GPT2: variants seen among roughly 807,000 people sequenced by gnomAD.
GPT2 encodes glutamic--pyruvic transaminase 2, also known as alanine aminotransferase 2.
In GPT2, 30 loss-of-function variants were observed where a neutral mutation model predicts 56.9. That is an observed-to-expected ratio of 0.53 (90% CI 0.39 to 0.72). GPT2 has a LOEUF of 0.72. GPT2 is among the 30% of genes least tolerant of loss of function. GPT2 has a pLI of 0.00. For synonymous variants in GPT2, 271 were observed against 283.1 expected (o/e 0.96, Z 0.43); for missense variants, 542 against 703.4 (o/e 0.77, Z 2.60).
At chr16:46,894,014 G>C (rs986773180) in intron 2 of GPT2, among the ~76,000 whole-genome samples, 2 of 152,190 alleles carry the variant, frequency 1.3e-5, no homozygotes, top group African/African-American at 4.8e-5. Context: ...AGTGTGCTCA[G>C]AACAGTTTCT....
intron 3 of GPT2, among the ~76,000 whole-genome samples, chr16:46,898,459 C>T (rs923029663): frequency 1.3e-5 from 2 of 152,162 alleles, no homozygotes; most frequent in Non-Finnish European, 2.9e-5. Flanking sequence ...GTGGGAGATG[C>T]CCCAGGGCAG....
chr16:46,918,972 C>T (rs1008326796), intron 8 of GPT2, among the ~76,000 whole-genome samples: 1 of 152,226 alleles, frequency 6.6e-6, no homozygotes, highest in Non-Finnish European at 1.5e-5. Flanking sequence ...AGCCTGACAA[C>T]GGACAAATGG....
chr16:46,923,626 C>T (rs1461148363), intron 9 of GPT2, among the ~76,000 whole-genome samples: 1 of 152,236 alleles, frequency 6.6e-6, no homozygotes, highest in African/African-American at 2.4e-5. Flanking sequence ...CCATCTGCAG[C>T]CCACACCTTC....
At chr16:46,912,879 A>T (rs892087300) in intron 6 of GPT2, among the ~76,000 whole-genome samples, 3 of 152,234 alleles carry the variant, frequency 2.0e-5, no homozygotes, top group African/African-American at 7.2e-5. Flanking sequence ...CATCCAAACT[A>T]CGTGAACAGT....
At chr16:46,916,420 T>G in intron 6 of GPT2, 1 of 544,452 alleles carries the variant, frequency 1.8e-6, no homozygotes, top group Non-Finnish European at 3.4e-6. Context: ...CTGAGGAGAG[T>G]CAGACACACA....
At chr16:46,922,534 C>A in intron 9 of GPT2, 118 bp downstream of exon 9, 1 of 916,396 alleles carries the variant, frequency 1.1e-6, no homozygotes, top group Non-Finnish European at 1.6e-6. Flanking sequence ...GTGTGGCCTG[C>A]AGGTGCACTC....
intron 2 of GPT2, 75 bp downstream of exon 2, chr16:46,885,033 C>A: frequency 7.2e-7 from 1 of 1,386,920 alleles, no homozygotes. Flanking sequence ...CAGCTGGGGT[C>A]CTTCCCACGA....
At chr16:46,916,970 C>A (rs1961180937) in intron 7 of GPT2, among the ~76,000 whole-genome samples, 1 of 152,172 alleles carries the variant, frequency 6.6e-6, no homozygotes, top group African/African-American at 2.4e-5. Context: ...AGAAAAAATG[C>A]CAGTGGGGTC....
chr16:46,925,687 G>A (rs1254871172), intron 10 of GPT2, among the ~76,000 whole-genome samples: 1 of 151,994 alleles, frequency 6.6e-6, no homozygotes, highest in East Asian at 1.9e-4. Flanking sequence ...AACTTAGCTG[G>A]GTGGTGCATG....
chr16:46,908,548 T>G lies in GPT2; in HGVS notation c.577-1136T>G, dbSNP rs965716832. Reference sequence around the variant, plus strand: ...CCTGACCTGTAAGGCTCTTGTTTGTTGAGTGCTTTTTTCCTTTCCCAAAGC... The same window carrying G: ...CCTGACCTGTAAGGCTCTTGTTTGTGGAGTGCTTTTTTCCTTTCCCAAAGC... On this transcript the variant is annotated intron_variant, in intron 5 of 11. Coordinates refer to ENST00000340124, the MANE Select transcript of GPT2 (RefSeq NM_133443.4). Among the ~76,000 whole-genome samples, 5 of 152,194 alleles carry G rather than the reference T, an allele frequency of 3.3e-5. No homozygotes were observed. In the East Asian group the frequency reaches 7.7e-4, roughly 23 times the overall value.
intron 9 of GPT2, among the ~76,000 whole-genome samples, chr16:46,922,755 G>A (rs969238915): frequency 2.0e-5 from 3 of 152,062 alleles, no homozygotes; most frequent in Admixed American, 6.5e-5. Context: ...GTAGAGGGGC[G>A]CAGCATCGAT....
At chr16:46,909,650 T>C (rs575171456) in intron 5 of GPT2, 34 bp from the exon 6 acceptor site, 1 of 1,601,738 alleles carries the variant, frequency 6.2e-7, no homozygotes, top group Non-Finnish European at 8.5e-7. Context: ...TGGGAAGTAG[T>C]GCTGGCTTTC....
intron 7 of GPT2, among the ~76,000 whole-genome samples, chr16:46,917,565 ATCC>A (rs978881958): frequency 6.6e-6 from 1 of 151,996 alleles, no homozygotes; most frequent in Non-Finnish European, 1.5e-5. Flanking sequence ...GTTCCAGCAA[ATCC>A]TCTTTTTATT....
At chr16:46,896,968 C>T (rs1960696007) in intron 2 of GPT2, among the ~76,000 whole-genome samples, 2 of 152,180 alleles carry the variant, frequency 1.3e-5, no homozygotes, top group South Asian at 2.1e-4. Context: ...GAGGCCAAGG[C>T]GGAGGATCGC....
intron 10 of GPT2, 114 bp downstream of exon 10, chr16:46,924,658 G>C: frequency 9.4e-7 from 1 of 1,067,586 alleles, no homozygotes; most frequent in South Asian, 1.5e-5. Flanking sequence ...GCTCGGAACT[G>C]TATGCACCTC....
intron 3 of GPT2, 32 bp downstream of exon 3, chr16:46,897,769 A>T (rs1309687462): frequency 6.2e-7 from 1 of 1,603,654 alleles, no homozygotes. Context: ...AGGCTGCAGG[A>T]GGGCAGGGCC....
At chr16:46,906,729 C>G in intron 4 of GPT2, 113 bp from the exon 5 acceptor site, 1 of 1,421,250 alleles carries the variant, frequency 7.0e-7, no homozygotes, top group Non-Finnish European at 9.7e-7. Flanking sequence ...TGGGCCCCAC[C>G]CCGAGACCCT....
At chr16:46,884,630 T>G in intron 1 of GPT2, 64 bp from the exon 2 acceptor site, 1 of 1,305,464 alleles carries the variant, frequency 7.7e-7, no homozygotes, top group Non-Finnish European at 9.8e-7. Context: ...TGGGCTTGTG[T>G]GGGGGAGTGC....
chr16:46,899,015 ATATATATATATATATATATATT>A (rs1567335223), intron 3 of GPT2, among the ~76,000 whole-genome samples: 1 of 2,820 alleles, frequency 3.5e-4, no homozygotes, highest in Non-Finnish European at 1.2e-3. Context: ...ATATATATAT[ATATATATATATATATATATATT>A]TTTTTTTTTT....
Sources: gnomAD v4.1 joint callset for allele counts (sites outside exome capture counted in the v4.1 genomes callset) on GRCh38, gnomAD v4.1.1 for gene constraint, MANE v1.5 for transcripts, NCBI Gene and HGNC (gene_info 2026-07-23, HGNC 2026-07-21) for gene names.